Variants in FBXO47 observed in about 807,000 individuals in gnomAD.
FBXO47 encodes the protein F-box only protein 47.
Under a neutral mutation model 53.9 loss-of-function variants are expected in FBXO47, and 34 were observed. The ratio of observed to expected loss-of-function variants is 0.63; its 90% CI spans 0.48 to 0.84. FBXO47 has a LOEUF of 0.84. Ranked by LOEUF, FBXO47 falls within the 40% of genes least tolerant of loss-of-function variation. FBXO47 has a pLI of 0.00. For missense variants in FBXO47, 485 were observed against 541.3 expected, an observed-to-expected ratio of 0.90 and a Z score of 1.03; for synonymous variants, 165 against 181.6, an observed-to-expected ratio of 0.91 and a Z score of 0.73.
intron 1 of FBXO47, among the ~76,000 whole-genome samples, chr17:38,964,821 A>AT (rs202090008): frequency 1.1e-4 from 17 of 150,198 alleles, no homozygotes; most frequent in Non-Finnish European, 2.1e-4. Flanking sequence ...ACACTAAATA[A>AT]TTTTTTTTTT....
At chr17:38,963,113 T>A in intron 1 of FBXO47, 62 bp from the exon 2 acceptor site, 1 of 1,065,268 alleles carries the variant, frequency 9.4e-7, no homozygotes, top group South Asian at 1.6e-5. Context: ...AGAAAGAGAT[T>A]TTTTTTTTTA....
intron 3 of FBXO47, among the ~76,000 whole-genome samples, chr17:38,957,517 G>A (rs927229085): frequency 3.9e-5 from 6 of 151,934 alleles, no homozygotes; most frequent in Non-Finnish European, 7.4e-5. Context: ...AGGACACATG[G>A]AAAAATACAT....
At chr17:38,955,578 G>A (rs985812807) in intron 4 of FBXO47, among the ~76,000 whole-genome samples, 1 of 151,624 alleles carries the variant, frequency 6.6e-6, no homozygotes, top group Non-Finnish European at 1.5e-5. Context: ...CAAGTAGCTG[G>A]AATTACAGAC....
intron 9 of FBXO47, among the ~76,000 whole-genome samples, chr17:38,940,353 A>G (rs1383010344): frequency 6.6e-6 from 1 of 151,932 alleles, no homozygotes; most frequent in Non-Finnish European, 1.5e-5. Context: ...TTTTCTCTTC[A>G]TTACATTTGC....
intron 2 of FBXO47, 129 bp from the exon 3 acceptor site, chr17:38,962,176 A>G: frequency 1.3e-6 from 1 of 752,156 alleles, no homozygotes. Flanking sequence ...CCTTTGGGAA[A>G]AAAGGGAAAA....
In FBXO47 at chr17:38,951,795, C is replaced by T. The variant is rs555566659; in HGVS notation, c.508-106G>A. ...CCTGTAATCCCAACACTTTGGGAGG[C>T]CAAGGTGGGTGGATCACCTGCAGTC... is the stretch of plus-strand genomic sequence containing the variant. On this transcript the variant is annotated intron_variant, in intron 5 of 10. Coordinates refer to ENST00000378079, the MANE Select transcript of FBXO47 (RefSeq NM_001008777.3). 25 of 734,694 alleles carry T rather than the reference C, an allele frequency of 3.4e-5. No individual in the cohort carries two copies. The South Asian group carries it at 4.0e-4, about 12-fold the overall frequency. 45.5% of individuals were successfully genotyped at this position (734,694 alleles called of 1,614,324 possible). A position where few individuals can be genotyped will look rare whatever the true frequency, so the allele number is the denominator to read the frequency against.
At chr17:38,946,333 AATATATATAAATATATAAAT>A (rs1567716568) in intron 6 of FBXO47, among the ~76,000 whole-genome samples, 14 of 84,982 alleles carry the variant, frequency 1.6e-4, no homozygotes, top group Admixed American at 6.8e-4. Flanking sequence ...TAAATATATA[AATATATATAAATATATAAAT>A]ATATATAAAT....
At chr17:38,944,850 G>GTGTGTGTGTGTGTGTGTA in intron 7 of FBXO47, 110 bp downstream of exon 7, 1 of 461,964 alleles carries the variant, frequency 2.2e-6, no homozygotes, top group Non-Finnish European at 3.8e-6. Context: ...GTGCATGCAT[G>GTGTGTGTGTGTGTGTGTA]TGTGTGTGTG....
At chr17:38,960,568 C>A (rs1905771090) in intron 3 of FBXO47, among the ~76,000 whole-genome samples, 2 of 151,840 alleles carry the variant, frequency 1.3e-5, no homozygotes, top group Non-Finnish European at 2.9e-5. Context: ...GTATAAGCTC[C>A]ACTGTGTTAC....
chr17:38,952,815 C>CTTTTTTTTTT (rs139105548), intron 5 of FBXO47, among the ~76,000 whole-genome samples: 9 of 115,356 alleles, frequency 7.8e-5, no homozygotes, highest in African/African-American at 2.6e-4. Context: ...TTATTTATGA[C>CTTTTTTTTTT]TTTTTTTTTT....
intron 3 of FBXO47, 141 bp downstream of exon 3, chr17:38,961,736 C>T: frequency 1.4e-6 from 1 of 699,702 alleles, no homozygotes; most frequent in South Asian, 1.9e-5. Flanking sequence ...AGTGTTCTCA[C>T]ACTAAAGAGT....
chr17:38,957,171 TCTTA>T lies in FBXO47; in HGVS notation c.429+2_429+5del. On this transcript the variant is annotated splice_donor_variant and splice_donor_5th_base_variant and intron_variant, in intron 4 of 10. Coordinates refer to ENST00000378079, the MANE Select transcript of FBXO47 (RefSeq NM_001008777.3). LOFTEE classifies it high-confidence loss of function. ...ATTGTAAACTAATTTAGAAGTATGA[TCTTA>T]CTTCTGTGAGTATCTTGTGAATGTA... 1 of 1,571,190 alleles carries T rather than the reference TCTTA, an allele frequency of 6.4e-7. No individual in the cohort carries two copies. The highest frequency in any genetic ancestry group is 8.8e-7 in the Non-Finnish European group (1 of 1,142,120).
chr17:38,943,668 C>T lies in FBXO47; in HGVS notation c.862G>A (p.Ala288Thr). 6.2e-7 allele frequency: 1 copy of T among 1,611,146 alleles called. No individual in the cohort carries two copies. The highest frequency in any genetic ancestry group is 8.5e-7 in the Non-Finnish European group (1 of 1,178,694). Residue 288 changes from alanine (A) to threonine (T), a missense_variant, in exon 8 of 11, where the codon GCC becomes ACC. Physicochemically the swap from Ala to Thr is moderately conservative, Grantham distance 58. Transcript: ENST00000378079. ...DEFSLKGLAD[A>T]IKLLYDASTK... ...CTAGCGTCATATAGTAACTTAATGG[C>T]ATCAGCCAAACCTTTCAGACTGAAT...
chr17:38,942,399 C>T (rs1345493589), intron 9 of FBXO47, among the ~76,000 whole-genome samples: 4 of 152,022 alleles, frequency 2.6e-5, no homozygotes, highest in African/African-American at 9.7e-5. Flanking sequence ...TCGAGACCAG[C>T]CTGGCCAGCA....
rs1184511532 is a variant in FBXO47, at chr17:38,945,948, A to AAAT, written c.617-813_617-812insATT. ...GAGACTCTGGCTCAAAAAAAAAAAA[A>AAAT]ATATATATATATATATAAATATATA... On this transcript the variant is annotated intron_variant, in intron 6 of 10. Transcript: ENST00000378079. Among the ~76,000 whole-genome samples the AAAT allele has an allele frequency of 4.3e-4, 50 of 117,116 alleles. 1 individual carries two copies. Among genetic ancestry groups the AAAT allele is most frequent in the Admixed American group, 5.6e-4 (5 of 8,894 alleles). The allele number at this position is 117,116 out of a possible 152,430, so 76.8% of individuals were successfully genotyped here.
intron 6 of FBXO47, among the ~76,000 whole-genome samples, chr17:38,945,849 T>C (rs1667273333): frequency 6.7e-6 from 1 of 148,262 alleles, no homozygotes; most frequent in African/African-American, 2.5e-5. Flanking sequence ...GGCAGGAGAA[T>C]GGCGTTAACC....
At chr17:38,947,925 A>G (rs146640113) in intron 6 of FBXO47, among the ~76,000 whole-genome samples, 151 of 152,244 alleles carry the variant, frequency 9.9e-4, no homozygotes, top group African/African-American at 3.3e-3. Context: ...AAAAGGAAAA[A>G]TAAAAAATTA....
chr17:38,954,110 T>C (rs928457342), intron 5 of FBXO47, among the ~76,000 whole-genome samples: 1 of 152,060 alleles, frequency 6.6e-6, no homozygotes. Flanking sequence ...CTGACCAACA[T>C]GGTGAAACCC....
At chr17:38,966,415 T>C (rs961720244) in intron 1 of FBXO47, among the ~76,000 whole-genome samples, 1 of 152,198 alleles carries the variant, frequency 6.6e-6, no homozygotes, top group Non-Finnish European at 1.5e-5. Flanking sequence ...TTAGCCAGCC[T>C]GGTCTCGATT....
Sources: allele counts gnomAD v4.1 joint callset (sites outside exome capture counted in the v4.1 genomes callset), GRCh38; gene constraint gnomAD v4.1.1; transcripts MANE v1.5; gene names NCBI Gene and HGNC (gene_info 2026-07-23, HGNC 2026-07-21).